Variants in RNF180 observed in about 807,000 individuals in gnomAD.
The protein encoded by RNF180 is ring finger protein 180, also known as E3 ubiquitin-protein ligase RNF180.
Under a neutral mutation model 59.2 loss-of-function variants are expected in RNF180, and 38 were observed. The ratio of observed to expected loss-of-function variants is 0.64; its 90% CI spans 0.50 to 0.84. The LOEUF is 0.84. Ranked by LOEUF, RNF180 falls within the 40% of genes least tolerant of loss-of-function variation. RNF180 has a pLI of 0.00. For synonymous variants in RNF180, 262 were observed against 240.3 expected (o/e 1.09, Z -0.84); for missense variants, 705 against 700.9 (o/e 1.01, Z -0.07).
intron 6 of RNF180, among the ~76,000 whole-genome samples, chr5:64,327,967 A>C (rs1041135004): frequency 5.3e-5 from 8 of 152,114 alleles, no homozygotes; most frequent in African/African-American, 1.9e-4. Flanking sequence ...CATTTTTATA[A>C]TATTTATAAT....
intron 7 of RNF180, among the ~76,000 whole-genome samples, chr5:64,352,729 A>G (rs942004721): frequency 1.3e-5 from 2 of 152,022 alleles, no homozygotes; most frequent in African/African-American, 4.8e-5. Flanking sequence ...TGTCTTCTCA[A>G]AAAACAATTT....
chr5:64,269,926 T>A (rs566829112), intron 5 of RNF180, among the ~76,000 whole-genome samples: 1 of 152,204 alleles, frequency 6.6e-6, no homozygotes, highest in South Asian at 2.1e-4. Context: ...CAGGCATTCA[T>A]TGCCTGGCTG....
At chr5:64,224,774 A>G (rs1269581150) in intron 5 of RNF180, among the ~76,000 whole-genome samples, 2 of 152,338 alleles carry the variant, frequency 1.3e-5, no homozygotes, top group African/African-American at 2.4e-5. Flanking sequence ...TATGTTGCCT[A>G]TGTGATAGTA....
At chr5:64,291,688 A>G (rs575159248) in intron 5 of RNF180, among the ~76,000 whole-genome samples, 17 of 152,100 alleles carry the variant, frequency 1.1e-4, no homozygotes, top group Admixed American at 6.5e-4. Flanking sequence ...CGGCCTCGCA[A>G]AGTGCTAGGA....
intron 5 of RNF180, 56 bp from the exon 6 acceptor site, chr5:64,325,130 C>T: frequency 8.8e-7 from 1 of 1,139,798 alleles, no homozygotes; most frequent in East Asian, 2.6e-5. Context: ...TAAAGGCTAT[C>T]TTAAGGAAAC....
intron 5 of RNF180, among the ~76,000 whole-genome samples, chr5:64,243,434 C>T (rs1461813458): frequency 5.3e-5 from 8 of 152,092 alleles, no homozygotes; most frequent in Non-Finnish European, 8.8e-5. Flanking sequence ...CTTGAGTAGG[C>T]GGTTTTCCCC....
At chr5:64,265,880 T>A (rs1744641438) in intron 5 of RNF180, among the ~76,000 whole-genome samples, 1 of 152,186 alleles carries the variant, frequency 6.6e-6, no homozygotes, top group African/African-American at 2.4e-5. Context: ...CACTTGTTTG[T>A]GTCCTCTTAT....
chr5:64,284,752 T>A (rs1382371554), intron 5 of RNF180, among the ~76,000 whole-genome samples: 2 of 152,226 alleles, frequency 1.3e-5, no homozygotes, highest in African/African-American at 4.8e-5. Flanking sequence ...TTCCTTGGAT[T>A]GGACTTCCAC....
Position 64,179,660 on chromosome 5 carries a change from C to T in RNF180, c.-1+13707C>T, listed in dbSNP as rs988703915. ...CAAATATTTATCAAATCAATTGATG[C>T]ACATTTGGGTTGTTTCCAGTTTTTT... On this transcript the variant is annotated intron_variant, in intron 1 of 7. Transcript: ENST00000389100. Among the ~76,000 whole-genome samples the T allele has an allele frequency of 3.9e-5, 6 of 152,126 alleles. No homozygotes were observed. The South Asian group carries it at 8.3e-4, about 21-fold the overall frequency.
intron 5 of RNF180, among the ~76,000 whole-genome samples, chr5:64,292,454 C>T (rs1246642044): frequency 6.6e-6 from 1 of 152,160 alleles, no homozygotes; most frequent in Non-Finnish European, 1.5e-5. Flanking sequence ...GAGGTATCAT[C>T]AGTGAAGGCT....
At chr5:64,243,212 G>A (rs1397649664) in intron 5 of RNF180, among the ~76,000 whole-genome samples, 2 of 152,130 alleles carry the variant, frequency 1.3e-5, no homozygotes. Flanking sequence ...TCATACCACA[G>A]TGGCACCTGG....
chr5:64,180,959 C>T (rs971801321), intron 1 of RNF180, among the ~76,000 whole-genome samples: 1 of 152,128 alleles, frequency 6.6e-6, no homozygotes, highest in African/African-American at 2.4e-5. Context: ...AGTAGGGAAG[C>T]CAACAATGCA....
chr5:64,335,400 T>C (rs1466983413), intron 7 of RNF180, among the ~76,000 whole-genome samples: 2 of 152,088 alleles, frequency 1.3e-5, no homozygotes, highest in Non-Finnish European at 2.9e-5. Flanking sequence ...CATAAAGATA[T>C]TTTCTTATGT....
intron 5 of RNF180, among the ~76,000 whole-genome samples, chr5:64,296,021 G>T (rs1277518620): frequency 6.6e-6 from 1 of 152,104 alleles, no homozygotes; most frequent in Non-Finnish European, 1.5e-5. Flanking sequence ...CAGAAATTAA[G>T]AGTATTTCTA....
chr5:64,358,153 A>T (rs1746103375), intron 7 of RNF180, among the ~76,000 whole-genome samples: 1 of 151,880 alleles, frequency 6.6e-6, no homozygotes, highest in Non-Finnish European at 1.5e-5. Flanking sequence ...TCCACCCAAC[A>T]TCATCCTAAA....
intron 1 of RNF180, among the ~76,000 whole-genome samples, chr5:64,184,464 C>G (rs984620378): frequency 6.6e-6 from 1 of 152,044 alleles, no homozygotes; most frequent in Non-Finnish European, 1.5e-5. Context: ...AATATAATCA[C>G]CCTTCATTTT....
intron 5 of RNF180, among the ~76,000 whole-genome samples, chr5:64,236,970 A>G (rs1410477339): frequency 2.6e-5 from 4 of 152,220 alleles, no homozygotes; most frequent in South Asian, 4.1e-4. Context: ...AGTCTGCTGC[A>G]GGAACATAGC....
intron 5 of RNF180, among the ~76,000 whole-genome samples, chr5:64,268,712 C>G (rs17797181): frequency 0.086 from 13,151 of 152,212 alleles, 766 homozygotes; most frequent in East Asian, 0.22. Flanking sequence ...AATTTAATCT[C>G]TGTTGTTGCT....
chr5:64,300,351 A>T (rs1331034277), intron 5 of RNF180, among the ~76,000 whole-genome samples: 1 of 151,794 alleles, frequency 6.6e-6, no homozygotes, highest in African/African-American at 2.4e-5. Flanking sequence ...TGACTTAACG[A>T]TGGTTAGACA....
Sources: allele counts gnomAD v4.1 joint callset (sites outside exome capture counted in the v4.1 genomes callset), GRCh38; gene constraint gnomAD v4.1.1; transcripts MANE v1.5; gene names NCBI Gene and HGNC (gene_info 2026-07-23, HGNC 2026-07-21).